Variants in CSMD3 observed in about 807,000 individuals in gnomAD.
CSMD3 encodes the protein CUB and Sushi multiple domains 3.
Under a neutral mutation model 435.2 loss-of-function variants are expected in CSMD3, and 177 were observed. The observed-to-expected ratio is 0.41, with a 90% CI of 0.36 to 0.46. The LOEUF (loss-of-function observed/expected upper bound fraction) is 0.46. CSMD3 is among the 20% of genes least tolerant of loss of function. The pLI is 0.34. For synonymous variants in CSMD3, 1,656 were observed against 1,520.5 expected, an observed-to-expected ratio of 1.09 and a Z score of -2.07; for missense variants, 4,265 against 4,504.6, an observed-to-expected ratio of 0.95 and a Z score of 1.52.
intron 50 of CSMD3, among the ~76,000 whole-genome samples, chr8:112,306,854 T>C (rs1821466556): frequency 6.6e-6 from 1 of 152,154 alleles, no homozygotes; most frequent in Admixed American, 6.5e-5. Flanking sequence ...CTACAATACA[T>C]TTGATTTAGG....
chr8:112,238,434 A>C (rs1813806913), intron 66 of CSMD3, among the ~76,000 whole-genome samples: 1 of 152,170 alleles, frequency 6.6e-6, no homozygotes, highest in East Asian at 1.9e-4. Context: ...CAGCATAAAA[A>C]TACCCTAAGA....
chr8:113,011,059 T>G (rs2131126531), intron 6 of CSMD3, among the ~76,000 whole-genome samples: 1 of 151,822 alleles, frequency 6.6e-6, no homozygotes, highest in African/African-American at 2.4e-5. Flanking sequence ...ACAACTACTC[T>G]TTTCTCATGA....
intron 16 of CSMD3, among the ~76,000 whole-genome samples, chr8:112,680,652 C>G (rs2075868729): frequency 6.6e-6 from 1 of 152,094 alleles, no homozygotes; most frequent in African/African-American, 2.4e-5. Flanking sequence ...TCATCTAGTT[C>G]TGCCCACCTG....
intron 4 of CSMD3, among the ~76,000 whole-genome samples, chr8:113,150,538 G>C (rs186430019): frequency 1.0e-3 from 159 of 152,054 alleles, no homozygotes; most frequent in Non-Finnish European, 1.7e-3. Flanking sequence ...GCCTGGTGGA[G>C]ACCCTGAGCA....
chr8:113,108,155 G>A (rs998184175), intron 4 of CSMD3, among the ~76,000 whole-genome samples: 1 of 151,962 alleles, frequency 6.6e-6, no homozygotes, highest in African/African-American at 2.4e-5. Flanking sequence ...TGAGGCTGGG[G>A]ATGGTGGCTC....
At chr8:112,320,910 C>T (rs572261934) in intron 45 of CSMD3, among the ~76,000 whole-genome samples, 12 of 152,204 alleles carry the variant, frequency 7.9e-5, no homozygotes, top group Non-Finnish European at 1.6e-4. Context: ...TGTCATGTTT[C>T]TAATTATGAT....
At position 112,368,285 on chromosome 8, in the gene CSMD3, C is replaced by T. The variant is rs10089967; in HGVS notation, c.6136+12067G>A. Among the ~76,000 whole-genome samples, 3 of 152,126 alleles carry T rather than the reference C, an allele frequency of 2.0e-5. No individual in the cohort carries two copies. The South Asian group carries it at 6.2e-4, about 31-fold the overall frequency. On this transcript the variant is annotated intron_variant, in intron 38 of 70. Coordinates refer to ENST00000297405, the MANE Select transcript of CSMD3 (RefSeq NM_198123.2). ...TTCTCTGTTCATCACCTAAATTATA[C>T]AAGATATTTTCATACTTTGGCCATT...
At chr8:112,605,982 T>C (rs1319367304) in intron 22 of CSMD3, among the ~76,000 whole-genome samples, 1 of 152,118 alleles carries the variant, frequency 6.6e-6, no homozygotes, top group Middle Eastern at 3.2e-3. Context: ...AAAGCAACAC[T>C]AGCTAATTAG....
intron 11 of CSMD3, among the ~76,000 whole-genome samples, chr8:112,843,826 A>G (rs769140271): frequency 6.6e-5 from 10 of 151,982 alleles, no homozygotes; most frequent in Non-Finnish European, 1.5e-4. Flanking sequence ...GTTTTATTGC[A>G]GTGAGCCCCA....
intron 22 of CSMD3, among the ~76,000 whole-genome samples, chr8:112,618,268 G>T (rs1159806857): frequency 6.6e-6 from 1 of 151,992 alleles, no homozygotes; most frequent in Non-Finnish European, 1.5e-5. Context: ...AATTCTTGAA[G>T]CTCTTAAGTT....
intron 44 of CSMD3, among the ~76,000 whole-genome samples, chr8:112,336,120 G>A (rs1435867234): frequency 6.6e-6 from 1 of 151,970 alleles, no homozygotes; most frequent in African/African-American, 2.4e-5. Flanking sequence ...ATGTTGCCCA[G>A]GCTGGTATTG....
At position 112,666,308 on chromosome 8, in the gene CSMD3, G is replaced by T. The variant is rs1164261151; in HGVS notation, c.2785C>A (p.Pro929Thr). The T allele has an allele frequency of 1.2e-6, 2 of 1,612,038 alleles. No individual in the cohort carries two copies. The highest frequency in any genetic ancestry group is 1.7e-4 in the Middle Eastern group (1 of 6,054). ...LNCEWVIEAE[P>T]GHSIKITFER... ...AATGTAATTTTGATAGAGTGTCCAG[G>T]TTCAGCTTCAATCACCCACTCACAA... is the stretch of plus-strand genomic sequence containing the variant. Residue 929 changes from proline to threonine, a missense_variant, in exon 17 of 71, where the codon CCT (proline) becomes ACT (threonine). Coordinates refer to ENST00000297405, the MANE Select transcript of CSMD3 (RefSeq NM_198123.2).
chr8:112,308,260 T>C (rs1004784117), intron 50 of CSMD3, among the ~76,000 whole-genome samples: 2 of 152,152 alleles, frequency 1.3e-5, no homozygotes, highest in African/African-American at 4.8e-5. Flanking sequence ...AGTTGTTATA[T>C]GCCATCTCCC....
intron 7 of CSMD3, among the ~76,000 whole-genome samples, chr8:112,973,351 ACT>A (rs1289906624): frequency 6.6e-6 from 1 of 151,752 alleles, no homozygotes; most frequent in Non-Finnish European, 1.5e-5. Flanking sequence ...TAAAAGACTC[ACT>A]CTCTGCATAC....
chr8:112,352,567 C>T, intron 38 of CSMD3, 33 bp from the exon 39 acceptor site: 1 of 1,565,476 alleles, frequency 6.4e-7, no homozygotes, highest in Non-Finnish European at 8.8e-7. Context: ...ATTTAAGTAA[C>T]TTTCAAGTGA....
chr8:112,993,335 T>C (rs578052341), intron 6 of CSMD3, among the ~76,000 whole-genome samples: 1 of 151,908 alleles, frequency 6.6e-6, no homozygotes, highest in African/African-American at 2.4e-5. Context: ...AAGTATATCC[T>C]AGATATTTAG....
chr8:112,309,456 G>C (rs1200820006), intron 50 of CSMD3, among the ~76,000 whole-genome samples: 1 of 151,546 alleles, frequency 6.6e-6, no homozygotes. Flanking sequence ...TATATTATAA[G>C]CTTATTTTAT....
intron 22 of CSMD3, among the ~76,000 whole-genome samples, chr8:112,605,998 C>A (rs1291459270): frequency 6.6e-6 from 1 of 152,144 alleles, no homozygotes; most frequent in Non-Finnish European, 1.5e-5. Flanking sequence ...ATTAGATGCA[C>A]AGGATGGTGA....
At chr8:112,983,620 C>G (rs2085135188) in intron 6 of CSMD3, among the ~76,000 whole-genome samples, 1 of 150,204 alleles carries the variant, frequency 6.7e-6, no homozygotes, top group Admixed American at 6.7e-5. Flanking sequence ...GTTTTCTTCC[C>G]TTACAAAAAT....
Sources: allele counts gnomAD v4.1 joint callset (sites outside exome capture counted in the v4.1 genomes callset), GRCh38; gene constraint gnomAD v4.1.1; transcripts MANE v1.5; gene names NCBI Gene and HGNC (gene_info 2026-07-23, HGNC 2026-07-21).